CSNK1G1: variants seen among roughly 807,000 people sequenced by gnomAD.
CSNK1G1 encodes casein kinase I isoform gamma-1.
CSNK1G1 carries 22 observed loss-of-function variants against 59.6 expected under a neutral mutation model. The ratio of observed to expected loss-of-function variants is 0.37; its 90% CI spans 0.26 to 0.53. The LOEUF (loss-of-function observed/expected upper bound fraction) is 0.53. Among genes scored for constraint, CSNK1G1 ranks in the 20% least tolerant of loss-of-function variants. The pLI is 0.89. For missense variants in CSNK1G1, 384 were observed against 519.5 expected (o/e 0.74, Z 2.54); for synonymous variants, 179 against 177.1 (o/e 1.01, Z -0.08).
intron 2 of CSNK1G1, among the ~76,000 whole-genome samples, chr15:64,273,746 A>G (rs2140353583): frequency 6.6e-6 from 1 of 152,204 alleles, no homozygotes; most frequent in South Asian, 2.1e-4. Flanking sequence ...AAAAAAAAAA[A>G]AAAATCACAT....
At chr15:64,269,078 G>C (rs1040670754) in intron 2 of CSNK1G1, among the ~76,000 whole-genome samples, 1 of 152,196 alleles carries the variant, frequency 6.6e-6, no homozygotes, top group East Asian at 1.9e-4. Context: ...AAAAAAAAAG[G>C]GTAATTATCT....
intron 2 of CSNK1G1, among the ~76,000 whole-genome samples, chr15:64,288,226 T>C (rs1201591733): frequency 6.6e-6 from 1 of 152,096 alleles, no homozygotes; most frequent in Non-Finnish European, 1.5e-5. Flanking sequence ...AGTGCTCTCA[T>C]AGATTGGTTG....
intron 4 of CSNK1G1, among the ~76,000 whole-genome samples, chr15:64,225,714 C>T (rs1488979788): frequency 1.3e-5 from 2 of 152,172 alleles, no homozygotes; most frequent in African/African-American, 4.8e-5. Flanking sequence ...GCAACCTCTG[C>T]CTCCCAAGTT....
intron 2 of CSNK1G1, among the ~76,000 whole-genome samples, chr15:64,273,156 AAAG>A (rs1443704723): frequency 2.6e-5 from 4 of 152,216 alleles, no homozygotes; most frequent in Admixed American, 1.3e-4. Flanking sequence ...GAGAATCTTG[AAAG>A]TTATTATCAC....
intron 1 of CSNK1G1, among the ~76,000 whole-genome samples, chr15:64,349,474 C>G (rs1398191008): frequency 6.6e-6 from 1 of 152,052 alleles, no homozygotes; most frequent in South Asian, 2.1e-4. Flanking sequence ...AATTCCCATC[C>G]CTAGCACCCC....
chr15:64,295,506 C>T (rs1039134583), intron 2 of CSNK1G1, among the ~76,000 whole-genome samples: 1 of 152,230 alleles, frequency 6.6e-6, no homozygotes, highest in South Asian at 2.1e-4. Flanking sequence ...CTTCCATTTT[C>T]AGAGCTAAGA....
chr15:64,185,735 G>A (rs569515059), intron 10 of CSNK1G1, among the ~76,000 whole-genome samples: 3 of 151,936 alleles, frequency 2.0e-5, no homozygotes, highest in East Asian at 1.9e-4. Flanking sequence ...GTGGTGGCAC[G>A]TGCCTGTAAT....
intron 1 of CSNK1G1, among the ~76,000 whole-genome samples, chr15:64,313,300 C>T (rs1324519231): frequency 2.6e-5 from 4 of 152,110 alleles, no homozygotes; most frequent in African/African-American, 4.8e-5. Context: ...CACATGCACA[C>T]GTATGTTTAT....
At chr15:64,284,443 C>T (rs1894301871) in intron 2 of CSNK1G1, among the ~76,000 whole-genome samples, 1 of 152,058 alleles carries the variant, frequency 6.6e-6, no homozygotes, top group African/African-American at 2.4e-5. Context: ...TCTTGAGATC[C>T]ATGAATGTGG....
At chr15:64,335,454 A>T (rs150232786) in intron 1 of CSNK1G1, among the ~76,000 whole-genome samples, 1,884 of 152,246 alleles carry the variant, frequency 0.012, 28 homozygotes, top group African/African-American at 0.044. Context: ...CACTTTGGTA[A>T]CAAAGTCAGT....
intron 1 of CSNK1G1, among the ~76,000 whole-genome samples, chr15:64,333,897 A>G (rs1886497864): frequency 6.6e-6 from 1 of 152,224 alleles, no homozygotes; most frequent in Non-Finnish European, 1.5e-5. Context: ...CTAGATTCAT[A>G]GAACAATTAC....
Position 64,167,975 on chromosome 15 carries a change from G to GT in CSNK1G1, c.*3955dup, listed in dbSNP as rs934026272. ...TTACATATTTCTGGCATTAAAAGTG[G>GT]TTACTAGCACTGAAAATCAACACTG... On this transcript the variant is annotated 3_prime_UTR_variant, in exon 12 of 12. Transcript: ENST00000303052. 1 of 152,202 alleles carries GT rather than the reference G, an allele frequency of 6.6e-6. No homozygotes were observed. Among genetic ancestry groups the GT allele is most frequent in the Non-Finnish European group, 1.5e-5 (1 of 68,030 alleles). 9.4% of individuals were successfully genotyped at this position (152,202 alleles called of 1,614,324 possible).
chr15:64,327,157 T>A (rs2140450938), intron 1 of CSNK1G1, among the ~76,000 whole-genome samples: 1 of 152,350 alleles, frequency 6.6e-6, no homozygotes, highest in Middle Eastern at 3.4e-3. Context: ...AAGCTCGAAC[T>A]GGGTGGAGCC....
intron 5 of CSNK1G1, among the ~76,000 whole-genome samples, chr15:64,215,846 G>A (rs560262360): frequency 6.0e-4 from 92 of 152,354 alleles, no homozygotes; most frequent in Middle Eastern, 3.4e-3. Context: ...GAATCTGAGT[G>A]TTAGTGCAAT....
At chr15:64,347,144 G>A (rs551700534) in intron 1 of CSNK1G1, among the ~76,000 whole-genome samples, 3 of 152,224 alleles carry the variant, frequency 2.0e-5, no homozygotes, top group Non-Finnish European at 2.9e-5. Flanking sequence ...GAGACAATAC[G>A]AAATGCTAGT....
At chr15:64,249,643 C>G (rs899303981) in intron 4 of CSNK1G1, among the ~76,000 whole-genome samples, 3 of 152,168 alleles carry the variant, frequency 2.0e-5, no homozygotes, top group African/African-American at 7.2e-5. Flanking sequence ...GATGGATATA[C>G]CAGTCTCAGA....
chr15:64,270,347 G>A (rs1216026875), intron 2 of CSNK1G1, among the ~76,000 whole-genome samples: 1 of 151,978 alleles, frequency 6.6e-6, no homozygotes, highest in Non-Finnish European at 1.5e-5. Flanking sequence ...TCTGCTAGCT[G>A]TGGGGTTGAA....
chr15:64,182,067 T>TTGTTTG (rs2081824316), intron 10 of CSNK1G1, among the ~76,000 whole-genome samples: 1 of 139,380 alleles, frequency 7.2e-6, no homozygotes, highest in African/African-American at 2.8e-5. Context: ...TTTTTTTTTT[T>TTGTTTG]TTTTTTTTTT....
At chr15:64,325,087 A>G (rs1896774683) in intron 1 of CSNK1G1, among the ~76,000 whole-genome samples, 1 of 152,202 alleles carries the variant, frequency 6.6e-6, no homozygotes. Flanking sequence ...GGATTTAATA[A>G]AGAATTCTTT....
Sources: allele counts gnomAD v4.1 joint callset (sites outside exome capture counted in the v4.1 genomes callset), GRCh38; gene constraint gnomAD v4.1.1; transcripts MANE v1.5; gene names NCBI Gene and HGNC (gene_info 2026-07-23, HGNC 2026-07-21).